The following STK32A variants were observed in gnomAD, a reference collection of about 807,000 sequenced individuals.
The protein encoded by STK32A is serine/threonine kinase 32A, also known as serine/threonine-protein kinase 32A.
Under a neutral mutation model 53.2 loss-of-function variants are expected in STK32A, and 41 were observed. The observed-to-expected ratio is 0.77, with a 90% CI of 0.60 to 1.00. The LOEUF (loss-of-function observed/expected upper bound fraction) is 1.00, where lower values mean the gene tolerates loss of function less well. Among genes scored for constraint, STK32A ranks in the 50% least tolerant of loss-of-function variants. The probability of loss-of-function intolerance (pLI) is 0.00; values close to 1 mark genes in which losing one functional copy is unlikely to be tolerated. For synonymous variants in STK32A, 166 were observed against 162.8 expected, an observed-to-expected ratio of 1.02 and a Z score of -0.15; for missense variants, 458 against 485.8, an observed-to-expected ratio of 0.94 and a Z score of 0.54.
At chr5:147,399,082 A>G in the STK32A span, 2 of 1,613,950 alleles carry the variant, frequency 1.2e-6, no homozygotes, top group African/African-American at 1.3e-5. Flanking sequence ...CGGGCCTTAC[A>G]GACTGGTGGT....
chr5:147,352,339 C>T (rs1756022505), intron 7 of STK32A, among the ~76,000 whole-genome samples: 1 of 152,198 alleles, frequency 6.6e-6, no homozygotes, highest in Non-Finnish European at 1.5e-5. Flanking sequence ...GACAATTCAG[C>T]ATTTACTAAG....
At chr5:147,241,438 C>T (rs888634020) in intron 2 of STK32A, among the ~76,000 whole-genome samples, 1 of 152,138 alleles carries the variant, frequency 6.6e-6, no homozygotes, top group African/African-American at 2.4e-5. Flanking sequence ...GAGAACCGGC[C>T]ACTGCACTCC....
At chr5:147,300,813 A>G (rs1753093153) in intron 4 of STK32A, among the ~76,000 whole-genome samples, 1 of 152,222 alleles carries the variant, frequency 6.6e-6, no homozygotes, top group Admixed American at 6.5e-5. Flanking sequence ...GTAATTAGGA[A>G]TAACAGGAAT....
At chr5:147,308,767 C>T (rs1441847366) in intron 4 of STK32A, among the ~76,000 whole-genome samples, 1 of 148,886 alleles carries the variant, frequency 6.7e-6, no homozygotes, top group Non-Finnish European at 1.5e-5. Flanking sequence ...AATATTTTAT[C>T]AAATACTTTT....
At chr5:147,290,558 G>C (rs1340295415) in intron 4 of STK32A, among the ~76,000 whole-genome samples, 3 of 152,266 alleles carry the variant, frequency 2.0e-5, no homozygotes, top group African/African-American at 7.2e-5. Context: ...TGTTAATTGA[G>C]ATTAAACCTG....
chr5:147,301,911 T>C (rs547540676), intron 4 of STK32A, among the ~76,000 whole-genome samples: 1 of 152,294 alleles, frequency 6.6e-6, no homozygotes, highest in East Asian at 1.9e-4. Context: ...TCCTTTATCT[T>C]CAAAGCCAGC....
rs766564311 is a variant in STK32A, at chr5:147,375,151, C to T, written c.965C>T (p.Pro322Leu). 6.2e-6 allele frequency: 10 copies of T among 1,610,240 alleles called. No homozygotes were observed. Among genetic ancestry groups the T allele is most frequent in the Non-Finnish European group, 7.6e-6 (9 of 1,178,350 alleles). The change falls in exon 11 of 13, where the codon CCT becomes CTT. Residue 322 changes from proline to leucine, a missense_variant. Transcript: ENST00000397936. The stretch of plus-strand genomic sequence containing the variant: ...GAGGAAATGATTTTGGAGTCCAAAC[C>T]TCTACATAAGAAAAAAAAGCGTCTG... ...ELEEMILESK[P>L]LHKKKKRLAK... is the part of the protein sequence containing the mutation.
chr5:147,355,788 G>A (rs1218946012), intron 7 of STK32A, among the ~76,000 whole-genome samples: 59 of 137,554 alleles, frequency 4.3e-4, no homozygotes, highest in African/African-American at 1.4e-3. Flanking sequence ...GTGAGTGTGT[G>A]TGTGTATATA....
At chr5:147,318,695 G>T (rs1754139510) in intron 4 of STK32A, among the ~76,000 whole-genome samples, 1 of 150,910 alleles carries the variant, frequency 6.6e-6, no homozygotes, top group Non-Finnish European at 1.5e-5. Context: ...AGGATCATTT[G>T]AACCTGGGAT....
At chr5:147,366,140 G>A (rs560659193) in intron 8 of STK32A, among the ~76,000 whole-genome samples, 8 of 151,958 alleles carry the variant, frequency 5.3e-5, no homozygotes, top group South Asian at 2.1e-4. Flanking sequence ...GGCATTCTTC[G>A]GAATTAGGTC....
intron 1 of STK32A, among the ~76,000 whole-genome samples, chr5:147,236,449 C>G (rs1753325231): frequency 6.6e-6 from 1 of 152,100 alleles, no homozygotes; most frequent in Non-Finnish European, 1.5e-5. Flanking sequence ...GAGAGTCCTA[C>G]AGCTCTACTG....
At chr5:147,306,323 G>A (rs2151968523) in intron 4 of STK32A, among the ~76,000 whole-genome samples, 1 of 151,958 alleles carries the variant, frequency 6.6e-6, no homozygotes, top group Non-Finnish European at 1.5e-5. Context: ...ATCCATGAAA[G>A]CTCTTTATAT....
intron 5 of STK32A, among the ~76,000 whole-genome samples, chr5:147,335,777 C>T (rs1264757156): frequency 6.6e-6 from 1 of 152,134 alleles, no homozygotes; most frequent in African/African-American, 2.4e-5. Flanking sequence ...ACACAAAATA[C>T]AGTGTGTGTG....
intron 2 of STK32A, among the ~76,000 whole-genome samples, chr5:147,266,277 G>C (rs1754804050): frequency 6.6e-6 from 1 of 152,182 alleles, no homozygotes; most frequent in Non-Finnish European, 1.5e-5. Context: ...TGAGCTCAAA[G>C]AGTGAGTAAG....
intron 11 of STK32A, among the ~76,000 whole-genome samples, chr5:147,380,685 G>A (rs931123867): frequency 5.3e-5 from 8 of 152,160 alleles, no homozygotes; most frequent in African/African-American, 1.9e-4. Flanking sequence ...CAGTGTCAAA[G>A]CAAATGCTTT....
chr5:147,314,518 A>G (rs1303620382), intron 4 of STK32A, among the ~76,000 whole-genome samples: 18 of 8,982 alleles, frequency 2.0e-3, no homozygotes, highest in Non-Finnish European at 4.1e-3. Context: ...AAAAAAAAAC[A>G]AAAAAAAACA....
chr5:147,240,624 A>G (rs1322540827), intron 2 of STK32A, among the ~76,000 whole-genome samples: 1 of 152,218 alleles, frequency 6.6e-6, no homozygotes, highest in Admixed American at 6.6e-5. Context: ...TTGAGATCCT[A>G]AAGCAACTTT....
chr5:147,304,294 T>C (rs1378743204), intron 4 of STK32A, among the ~76,000 whole-genome samples: 1 of 152,210 alleles, frequency 6.6e-6, no homozygotes, highest in East Asian at 1.9e-4. Flanking sequence ...AAATGACTCC[T>C]GGATTGTTAG....
At chr5:147,352,122 G>A (rs1357844666) in intron 7 of STK32A, among the ~76,000 whole-genome samples, 2 of 152,214 alleles carry the variant, frequency 1.3e-5, no homozygotes, top group Non-Finnish European at 2.9e-5. Context: ...CAAGGCAGGA[G>A]CATTGCTCGA....
Sources: allele counts gnomAD v4.1 joint callset (sites outside exome capture counted in the v4.1 genomes callset), GRCh38; gene constraint gnomAD v4.1.1; transcripts MANE v1.5; gene names NCBI Gene and HGNC (gene_info 2026-07-23, HGNC 2026-07-21).